Variants in WDR64 observed in about 807,000 individuals in gnomAD.
The protein encoded by WDR64 is WD repeat domain 64.
Under a neutral mutation model 139.3 loss-of-function variants are expected in WDR64, and 112 were observed. That is an observed-to-expected ratio of 0.80 (90% CI 0.69 to 0.94). The LOEUF is 0.94. Ranked by LOEUF, WDR64 falls within the 40% of genes least tolerant of loss-of-function variation. WDR64 has a pLI of 0.00. For missense variants in WDR64, 1,206 were observed against 1,293.1 expected, an observed-to-expected ratio of 0.93 and a Z score of 1.03; for synonymous variants, 444 against 437.7, an observed-to-expected ratio of 1.01 and a Z score of -0.18.
rs1665398375 is a variant in WDR64 at position 241,652,489 on chromosome 1, A to G, written c.5A>G (p.Asp2Gly). Residue 2 changes from aspartate (D) to glycine (G), a missense_variant, in exon 1 of 28, where the codon GAT becomes GGT. Physicochemically the swap from Asp to Gly is moderately conservative, Grantham distance 94 (BLOSUM62 -1). Transcript: ENST00000437684. Reference sequence around the variant, plus strand: ...TAAAAGATCCCCTATGTCCCTATGGATATCAGGAAGGAAAAGCGTCTCAAC... The same window carrying G: ...TAAAAGATCCCCTATGTCCCTATGGGTATCAGGAAGGAAAAGCGTCTCAAC... M[D>G]IRKEKRLNMA... The G allele has an allele frequency of 2.6e-6, 4 of 1,552,210 alleles. No individual in the cohort carries two copies. The highest frequency in any genetic ancestry group is 3.5e-6 in the Non-Finnish European group (4 of 1,147,118).
intron 10 of WDR64, among the ~76,000 whole-genome samples, chr1:241,730,755 AT>A (rs1669046540): frequency 6.6e-6 from 1 of 152,200 alleles, no homozygotes; most frequent in African/African-American, 2.4e-5. Context: ...GCCTATTTAT[AT>A]TTTGATGTAA....
At chr1:241,763,230 T>C (rs6699425) in intron 15 of WDR64, among the ~76,000 whole-genome samples, 7,097 of 152,116 alleles carry the variant, frequency 0.047, 545 homozygotes, top group African/African-American at 0.16. Context: ...AAAAAATGAT[T>C]GCTTAAAAAA....
rs1237771842 is a variant in WDR64 at position 241,735,533 on chromosome 1, C to CCCTTTTTTT, written c.1195-2830_1195-2829insCCTTTTTTT. ...GTTCTCTGTCTCTCTCTCTCTCTCT[C>CCCTTTTTTT]TTTTTTTTTTTTTTTTTTTGATACG... On this transcript the variant is annotated intron_variant, in intron 10 of 27. Coordinates refer to ENST00000437684, the MANE Select transcript of WDR64 (RefSeq NM_001367482.1). Among the ~76,000 whole-genome samples, 472 of 103,468 alleles carry CCCTTTTTTT rather than the reference C, an allele frequency of 4.6e-3. 13 individuals are homozygous for CCCTTTTTTT. The highest frequency in any genetic ancestry group is 6.6e-3 in the Middle Eastern group (1 of 152). The allele number at this position is 103,468 out of a possible 152,430, so 67.9% of individuals were successfully genotyped here.
chr1:241,679,642 G>C, intron 6 of WDR64, 47 bp downstream of exon 6: 1 of 1,475,368 alleles, frequency 6.8e-7, no homozygotes, highest in Non-Finnish European at 9.3e-7. Flanking sequence ...TGTCTTTTCA[G>C]TAGTGGTACG....
At chr1:241,687,797 A>G (rs1667066731) in intron 8 of WDR64, among the ~76,000 whole-genome samples, 1 of 152,264 alleles carries the variant, frequency 6.6e-6, no homozygotes, top group Non-Finnish European at 1.5e-5. Context: ...GTGTCCTAAC[A>G]TCAACTGTGC....
At position 241,683,539 on chromosome 1, in the gene WDR64, T is replaced by TGG; in HGVS notation, c.678_679dup (p.Val227GlyfsTer22). On this transcript the variant is annotated frameshift_variant, in exon 7 of 28. Coordinates refer to ENST00000437684, the MANE Select transcript of WDR64 (RefSeq NM_001367482.1). LOFTEE classifies it high-confidence loss of function. ...GATCACTGCCTCCTGTGTGTGTGTG[T>TGG]GGTGCCTTTGCCTGACCATCTCTGC... 7.7e-6 allele frequency: 12 copies of TGG among 1,551,850 alleles called. No homozygotes were observed. Among genetic ancestry groups the TGG allele is most frequent in the African/African-American group, 1.4e-5 (1 of 73,148 alleles).
intron 8 of WDR64, among the ~76,000 whole-genome samples, chr1:241,698,934 T>C (rs1311764506): frequency 6.6e-6 from 1 of 152,070 alleles, no homozygotes; most frequent in East Asian, 1.9e-4. Context: ...CATACCATCG[T>C]GGTGGAAGGG....
At chr1:241,782,498 G>A (rs575817495) in intron 22 of WDR64, among the ~76,000 whole-genome samples, 1 of 152,172 alleles carries the variant, frequency 6.6e-6, no homozygotes, top group Non-Finnish European at 1.5e-5. Flanking sequence ...ACAAAGTAAG[G>A]TGTCAGTCCG....
chr1:241,658,638 C>CAAAAAAAAAAAAAAAAAA (rs56278786), intron 1 of WDR64, among the ~76,000 whole-genome samples: 1 of 83,774 alleles, frequency 1.2e-5, no homozygotes, highest in African/African-American at 4.4e-5. Flanking sequence ...GATCCTGTCT[C>CAAAAAAAAAAAAAAAAAA]AAAAAAAAAA....
At chr1:241,719,710 G>A (rs190757123) in intron 9 of WDR64, among the ~76,000 whole-genome samples, 243 of 152,054 alleles carry the variant, frequency 1.6e-3, no homozygotes, top group African/African-American at 5.7e-3. Context: ...ATATACATCA[G>A]GAAATACATC....
chr1:241,749,783 C>A, intron 14 of WDR64, 61 bp downstream of exon 14: 2 of 1,563,444 alleles, frequency 1.3e-6, no homozygotes, highest in South Asian at 2.3e-5. Flanking sequence ...TCAAATGAGT[C>A]AGTGGATAAT....
chr1:241,690,156 C>G (rs192120769), intron 8 of WDR64, among the ~76,000 whole-genome samples: 62 of 152,172 alleles, frequency 4.1e-4, no homozygotes, highest in South Asian at 1.5e-3. Context: ...ATATCATGTT[C>G]AAACAGCAGA....
chr1:241,674,870 CTTT>C (rs1666414511), intron 4 of WDR64, 123 bp downstream of exon 4: 5 of 141,358 alleles, frequency 3.5e-5, no homozygotes, highest in African/African-American at 1.6e-4. Flanking sequence ...TCCCTCCCTC[CTTT>C]CTTTCTTTCC....
At chr1:241,741,704 T>C (rs1388435568) in intron 12 of WDR64, 40 bp downstream of exon 12, 2 of 1,530,258 alleles carry the variant, frequency 1.3e-6, no homozygotes, top group East Asian at 2.3e-5. Flanking sequence ...AAAAAGGCAA[T>C]GCAGATATAA....
At chr1:241,689,997 C>T (rs1380949800) in intron 8 of WDR64, among the ~76,000 whole-genome samples, 1 of 151,530 alleles carries the variant, frequency 6.6e-6, no homozygotes, top group African/African-American at 2.4e-5. Flanking sequence ...ATGAGAACAC[C>T]AGAAGAAGAA....
intron 27 of WDR64, among the ~76,000 whole-genome samples, chr1:241,800,368 G>A (rs1210343775): frequency 1.3e-5 from 2 of 151,958 alleles, no homozygotes; most frequent in Non-Finnish European, 2.9e-5. Flanking sequence ...CCCCATAATA[G>A]ACCATAAAAT....
At chr1:241,684,238 AC>A (rs2148111593) in intron 7 of WDR64, among the ~76,000 whole-genome samples, 1 of 152,362 alleles carries the variant, frequency 6.6e-6, no homozygotes, top group Non-Finnish European at 1.5e-5. Flanking sequence ...GATATTTTTA[AC>A]AGGTCTTAGA....
chr1:241,723,128 C>G (rs12748037), intron 9 of WDR64, among the ~76,000 whole-genome samples, 169 bp from the exon 10 acceptor site: 33,226 of 152,076 alleles, frequency 0.22, 4,019 homozygotes, highest in East Asian at 0.28. Flanking sequence ...GCAGCAGATC[C>G]AAACCAAGGC....
chr1:241,798,530 G>T (rs1659431927), intron 27 of WDR64, among the ~76,000 whole-genome samples: 1 of 152,168 alleles, frequency 6.6e-6, no homozygotes, highest in Non-Finnish European at 1.5e-5. Flanking sequence ...TCAGTAGTTA[G>T]ACACCAAATG....
Sources: allele counts gnomAD v4.1 joint callset (sites outside exome capture counted in the v4.1 genomes callset), GRCh38; gene constraint gnomAD v4.1.1; transcripts MANE v1.5; gene names NCBI Gene and HGNC (gene_info 2026-07-23, HGNC 2026-07-21).